The following FOXN3 variants were observed in gnomAD, a reference collection of about 807,000 sequenced individuals.
FOXN3 encodes the protein forkhead box N3.
Under a neutral mutation model 38.4 loss-of-function variants are expected in FOXN3, and 7 were observed. The observed-to-expected ratio is 0.18, with a 90% CI of 0.10 to 0.34. The LOEUF is 0.34. FOXN3 is among the 10% of genes least tolerant of loss of function. The probability of loss-of-function intolerance (pLI) is 1.00; values close to 1 mark genes in which losing one functional copy is unlikely to be tolerated. For synonymous variants in FOXN3, 230 were observed against 242.2 expected (o/e 0.95, Z 0.47); for missense variants, 456 against 613.4 (o/e 0.74, Z 2.71).
intron 1 of FOXN3, among the ~76,000 whole-genome samples, chr14:89,467,800 C>CTTTCT (rs1383456566): frequency 4.8e-4 from 28 of 57,904 alleles, no homozygotes; most frequent in African/African-American, 1.4e-3. Context: ...TCTTTTCTTT[C>CTTTCT]TTTGTTTTTT....
chr14:89,431,559 T>C (rs989215946), intron 1 of FOXN3, among the ~76,000 whole-genome samples: 2 of 152,224 alleles, frequency 1.3e-5, no homozygotes, highest in African/African-American at 4.8e-5. Flanking sequence ...GCCATTCTTT[T>C]GACCCTCTGT....
chr14:89,365,732 A>C (rs1226142198), intron 2 of FOXN3, among the ~76,000 whole-genome samples: 1 of 152,242 alleles, frequency 6.6e-6, no homozygotes, highest in Non-Finnish European at 1.5e-5. Flanking sequence ...AGGAAGCTAA[A>C]AAGCGGATCG....
At chr14:89,259,654 C>A (rs752731043) in intron 4 of FOXN3, among the ~76,000 whole-genome samples, 1 of 152,130 alleles carries the variant, frequency 6.6e-6, no homozygotes, top group African/African-American at 2.4e-5. Flanking sequence ...ATATGTTAGA[C>A]AAATTAATTA....
chr14:89,428,094 G>A (rs1373861735), intron 1 of FOXN3, among the ~76,000 whole-genome samples: 1 of 152,176 alleles, frequency 6.6e-6, no homozygotes, highest in Non-Finnish European at 1.5e-5. Context: ...GGGTGTGAAA[G>A]AAAACAATTG....
intron 1 of FOXN3, among the ~76,000 whole-genome samples, chr14:89,441,140 A>C (rs1198944667): frequency 6.6e-6 from 1 of 152,118 alleles, no homozygotes; most frequent in African/African-American, 2.4e-5. Flanking sequence ...CTCAGCCTTC[A>C]GGCCAACTCC....
Position 89,412,190 on chromosome 14 carries a change from G to C in FOXN3, c.287C>G (p.Pro96Arg). The C allele has an allele frequency of 6.2e-7, 1 of 1,612,866 alleles. No homozygotes were observed. Among genetic ancestry groups the C allele is most frequent in the South Asian group, 1.1e-5 (1 of 90,984 alleles). ...PVQDLDDDTPPSPAHSDMPYD... is the reference protein window; with the variant it reads ...PVQDLDDDTPRSPAHSDMPYD... The stretch of plus-strand genomic sequence containing the variant: ...GGGCATGTCAGAGTGGGCAGGGGAT[G>C]GGGGGGTGTCATCGTCCAGGTCCTG... Residue 96 changes from proline to arginine, a missense_variant, in exon 2 of 6, where the codon CCA (proline) becomes CGA (arginine). Physicochemically the swap from Pro to Arg is moderately radical, Grantham distance 103. This residue lies in a region of FOXN3 where 386 missense variants were observed against 505.2 expected (regional missense o/e 0.76). Coordinates refer to ENST00000557258, the MANE Select transcript of FOXN3 (RefSeq NM_005197.4). The surrounding 1 kb of genome is among the most constrained non-coding windows in gnomAD (Gnocchi z 4.7).
Position 89,613,901 on chromosome 14 carries a change from C to G in FOXN3, c.-15+5127G>C, listed in dbSNP as rs1330700511. On this transcript the variant is annotated intron_variant, in intron 1 of 6. Coordinates refer to the FOXN3 transcript ENST00000345097. ...AGTCTCCTGATTTCTCATCTCCATA[C>G]CAGGCAGAGGTGAATCTAGTGATTG... 5.3e-5 allele frequency among the ~76,000 whole-genome samples: 8 copies of G among 152,162 alleles called. No homozygotes were observed. The East Asian group carries it at 1.5e-3, about 29-fold the overall frequency.
chr14:89,255,239 T>A (rs116200647), intron 4 of FOXN3, among the ~76,000 whole-genome samples: 7 of 152,360 alleles, frequency 4.6e-5, no homozygotes, highest in African/African-American at 1.7e-4. Flanking sequence ...TGAGCCCACG[T>A]TGCCACTTTC....
intron 1 of FOXN3, among the ~76,000 whole-genome samples, chr14:89,584,504 A>T (rs1190730468): frequency 1.3e-5 from 2 of 152,340 alleles, no homozygotes; most frequent in East Asian, 3.9e-4. Context: ...CCACCAGCAG[A>T]GTATGAGAGT....
intron 1 of FOXN3, among the ~76,000 whole-genome samples, chr14:89,445,006 C>T (rs1892464374): frequency 6.6e-6 from 1 of 151,942 alleles, no homozygotes. Context: ...GCCTGTGATC[C>T]CAGCTACTCA....
intron 1 of FOXN3, among the ~76,000 whole-genome samples, chr14:89,485,213 G>A (rs1893422770): frequency 6.6e-6 from 1 of 151,196 alleles, no homozygotes; most frequent in Non-Finnish European, 1.5e-5. Flanking sequence ...TTAACAAAGG[G>A]CAGACCTGGG....
intron 4 of FOXN3, among the ~76,000 whole-genome samples, chr14:89,190,111 A>G (rs953734183): frequency 6.6e-6 from 1 of 152,238 alleles, no homozygotes. Context: ...ACTGGGACTC[A>G]TTAAAGGATC....
intron 1 of FOXN3, among the ~76,000 whole-genome samples, chr14:89,536,125 T>C (rs1894680496): frequency 6.6e-6 from 1 of 152,102 alleles, no homozygotes; most frequent in Non-Finnish European, 1.5e-5. Flanking sequence ...CGGCAAGATG[T>C]TTTAGGTGAG....
intron 4 of FOXN3, among the ~76,000 whole-genome samples, chr14:89,183,166 G>T (rs1246335531): frequency 1.3e-5 from 2 of 152,164 alleles, no homozygotes; most frequent in East Asian, 1.9e-4. Flanking sequence ...GTGGGAGAGG[G>T]TTTCCATAAT....
At chr14:89,235,797 G>A (rs1252428170) in intron 4 of FOXN3, among the ~76,000 whole-genome samples, 1 of 139,552 alleles carries the variant, frequency 7.2e-6, no homozygotes, top group Non-Finnish European at 1.5e-5. Flanking sequence ...ACAAGTCGAG[G>A]AATGCAGGCA....
chr14:89,243,754 C>T (rs962961807), intron 4 of FOXN3, among the ~76,000 whole-genome samples: 1 of 152,110 alleles, frequency 6.6e-6, no homozygotes, highest in African/African-American at 2.4e-5. Flanking sequence ...AAAAAATTAC[C>T]TCAACAATCC....
chr14:89,267,643 T>G (rs751183032), intron 4 of FOXN3, among the ~76,000 whole-genome samples: 1 of 152,222 alleles, frequency 6.6e-6, no homozygotes, highest in Non-Finnish European at 1.5e-5. Flanking sequence ...ACCAAAGATA[T>G]AGCCTCTTCA....
intron 1 of FOXN3, among the ~76,000 whole-genome samples, chr14:89,488,185 C>A (rs956437151): frequency 1.1e-4 from 17 of 151,464 alleles, no homozygotes; most frequent in African/African-American, 4.1e-4. Context: ...CTGGTTCAAG[C>A]GATTCTCCTG....
chr14:89,468,000 C>T (rs1404030049), intron 1 of FOXN3, among the ~76,000 whole-genome samples: 2 of 151,076 alleles, frequency 1.3e-5, no homozygotes, highest in Non-Finnish European at 2.9e-5. Flanking sequence ...TCTTGTGGAT[C>T]CTGCCAAAAA....
Sources: gnomAD v4.1 joint callset for allele counts (sites outside exome capture counted in the v4.1 genomes callset) on GRCh38, gnomAD v4.1.1 for gene constraint, gnomAD v4.1.1 regional missense constraint, Gnocchi (gnomAD v3.1) non-coding constraint, MANE v1.5 for transcripts, NCBI Gene and HGNC (gene_info 2026-07-23, HGNC 2026-07-21) for gene names.